Variants in TDRD12 observed in about 807,000 individuals in gnomAD.
The protein encoded by TDRD12 is tudor domain containing 12, also known as putative ATP-dependent RNA helicase TDRD12.
In TDRD12, 158 loss-of-function variants were observed where a neutral mutation model predicts 133.5. The observed-to-expected ratio is 1.18, with a 90% CI of 1.04 to 1.35. The LOEUF (loss-of-function observed/expected upper bound fraction) is 1.35. TDRD12 is among the 40% of genes most tolerant of loss of function. The pLI is 0.00. For synonymous variants in TDRD12, 460 were observed against 477.9 expected (o/e 0.96, Z 0.49); for missense variants, 1,443 against 1,321.3 (o/e 1.09, Z -1.43).
In TDRD12 at chr19:32,813,539, G is replaced by C. The variant is rs555322712; in HGVS notation, c.3049-145G>C. The stretch of plus-strand genomic sequence containing the variant: ...ACTCTGCTGTTAGCCTTGTGGACGA[G>C]AGGGGGTGATGACCTCTGTGATCTC... On this transcript the variant is annotated intron_variant, in intron 24 of 27. Coordinates refer to ENST00000444215, the Ensembl canonical transcript of TDRD12. 4.3e-4 allele frequency: 249 copies of C among 575,960 alleles called. 4 individuals are homozygous for C. In the South Asian group the frequency reaches 4.6e-3, roughly 11 times the overall value. 35.7% of individuals were successfully genotyped at this position (575,960 alleles called of 1,614,324 possible). A position where few individuals can be genotyped will look rare whatever the true frequency, so the allele number is the denominator to read the frequency against.
At chr19:32,811,134 C>A in intron 23 of TDRD12, 76 bp from the exon 24 acceptor site, 1 of 1,166,250 alleles carries the variant, frequency 8.6e-7, no homozygotes, top group Non-Finnish European at 1.2e-6. Flanking sequence ...ATATGTTTTC[C>A]ATTTCATGGT....
chr19:32,756,513 G>A (rs1041881771), intron 7 of TDRD12, among the ~76,000 whole-genome samples: 2 of 151,802 alleles, frequency 1.3e-5, no homozygotes, highest in Non-Finnish European at 2.9e-5. Context: ...TCAGCCTCCC[G>A]AGTAGCTGGG....
intron 14 of TDRD12, chr19:32,795,981 A>G: frequency 4.7e-6 from 1 of 212,428 alleles, no homozygotes; most frequent in Non-Finnish European, 8.1e-6. Flanking sequence ...CCCACCTCCA[A>G]CACTGGGGAT....
At chr19:32,805,729 C>CTTTTTT (rs397860060) in intron 21 of TDRD12, among the ~76,000 whole-genome samples, 10 of 118,896 alleles carry the variant, frequency 8.4e-5, no homozygotes, top group Non-Finnish European at 1.0e-4. Context: ...TTTTTTTTAT[C>CTTTTTT]TTTTTTTTTT....
chr19:32,824,005 G>C (rs1967499056), downstream of TDRD12: 1 of 152,356 alleles, frequency 6.6e-6, no homozygotes, highest in African/African-American at 2.4e-5. Flanking sequence ...GCTCTACTGG[G>C]AAGCTCTGGC....
chr19:32,829,419 T>G (rs1387565427), downstream of TDRD12: 6 of 152,256 alleles, frequency 3.9e-5, no homozygotes, highest in Admixed American at 3.9e-4. Context: ...ATTGGTTTTC[T>G]GTACTGCTAT....
At chr19:32,781,919 C>G (rs1385167394) in intron 11 of TDRD12, among the ~76,000 whole-genome samples, 1 of 151,712 alleles carries the variant, frequency 6.6e-6, no homozygotes, top group African/African-American at 2.4e-5. Context: ...CTCTGTGACT[C>G]GTATGTTGAA....
exon 7 of TDRD12, chr19:32,756,152 T>C (rs1197609754): frequency 1.1e-5 from 16 of 1,435,178 alleles, no homozygotes; most frequent in African/African-American, 1.5e-5. Context: ...CCAATGTTTT[T>C]GCAAGGAAAA....
intron 4 of TDRD12, among the ~76,000 whole-genome samples, chr19:32,744,499 C>CA (rs10644749): frequency 0.14 from 5,348 of 37,906 alleles, 1,039 homozygotes; most frequent in African/African-American, 0.24. Flanking sequence ...GACTCCGTCT[C>CA]AAAAAAAAAA....
At chr19:32,816,736 G>C (rs1967194439) in intron 26 of TDRD12, among the ~76,000 whole-genome samples, 1 of 152,216 alleles carries the variant, frequency 6.6e-6, no homozygotes, top group Non-Finnish European at 1.5e-5. Flanking sequence ...GCATTAGAGA[G>C]ACTGTGACAG....
At chr19:32,772,721 G>A (rs1970474504) in intron 8 of TDRD12, 32 bp from the exon 9 acceptor site, 2 of 1,318,532 alleles carry the variant, frequency 1.5e-6, no homozygotes, top group African/African-American at 3.1e-5. Context: ...ACTTTTTGGT[G>A]TAGCTTTTTT....
At chr19:32,731,185 G>C (rs913755996) in intron 1 of TDRD12, among the ~76,000 whole-genome samples, 5 of 151,902 alleles carry the variant, frequency 3.3e-5, no homozygotes, top group Non-Finnish European at 5.9e-5. Flanking sequence ...CATTTACTTT[G>C]GTTTATCTGC....
At chr19:32,816,951 A>G (rs535848909) in intron 26 of TDRD12, among the ~76,000 whole-genome samples, 1 of 152,290 alleles carries the variant, frequency 6.6e-6, no homozygotes, top group East Asian at 1.9e-4. Flanking sequence ...CCAGGGAGTA[A>G]CACCACAGCA....
chr19:32,739,874 GTGC>G (rs1969356376), intron 3 of TDRD12, among the ~76,000 whole-genome samples: 1 of 141,700 alleles, frequency 7.1e-6, no homozygotes, highest in African/African-American at 2.7e-5. Context: ...GCATCTCCTG[GTGC>G]GCTGTCTGCA....
intron 11 of TDRD12, among the ~76,000 whole-genome samples, chr19:32,780,084 CTTTT>C (rs11395360): frequency 2.3e-5 from 3 of 127,764 alleles, no homozygotes; most frequent in Admixed American, 8.5e-5. Context: ...TTTTTCTTTT[CTTTT>C]TTTTTTTTTT....
chr19:32,748,366 C>T (rs1346635491), intron 4 of TDRD12, 110 bp from the exon 5 acceptor site: 7 of 1,084,974 alleles, frequency 6.5e-6, no homozygotes, highest in Admixed American at 2.4e-5. Flanking sequence ...ATCTGCATCA[C>T]GTGTTCCATA....
At chr19:32,720,160 G>T (rs1317246420) in intron 1 of TDRD12, 64 bp downstream of exon 1, 1 of 1,186,522 alleles carries the variant, frequency 8.4e-7, no homozygotes, top group South Asian at 1.7e-5. Context: ...CCCCAGCCGC[G>T]CACAGCCTCC....
At chr19:32,721,492 T>G (rs1968662804) in intron 1 of TDRD12, among the ~76,000 whole-genome samples, 1 of 151,872 alleles carries the variant, frequency 6.6e-6, no homozygotes, top group African/African-American at 2.4e-5. Context: ...TTCAAGTGAT[T>G]CTCCTGCCTC....
chr19:32,794,896 C>T lies in TDRD12; in HGVS notation c.1473+83C>T, dbSNP rs767072655. On this transcript the variant is annotated intron_variant, in intron 14 of 27. Transcript: ENST00000444215. ...TATACACCTCACCTTTGAGGAAGGT[C>T]GTCTATTACTCAGTTTGGTTTTCAA... The T allele has an allele frequency of 1.1e-5, 7 of 640,970 alleles. No homozygotes were observed. The Admixed American group carries it at 1.2e-4, about 11-fold the overall frequency. The allele number at this position is 640,970 out of a possible 1,614,324, so 39.7% of individuals were successfully genotyped here. A position where few individuals can be genotyped will look rare whatever the true frequency, so the allele number is the denominator to read the frequency against.
Sources: allele counts gnomAD v4.1 joint callset (sites outside exome capture counted in the v4.1 genomes callset), GRCh38; gene constraint gnomAD v4.1.1; transcripts MANE v1.5; gene names NCBI Gene and HGNC (gene_info 2026-07-23, HGNC 2026-07-21).